The following PPARGC1A variants were observed in gnomAD, a reference collection of about 807,000 sequenced individuals.
PPARGC1A encodes PPARG coactivator 1 alpha.
In PPARGC1A, 25 loss-of-function variants were observed where a neutral mutation model predicts 88.7. That is an observed-to-expected ratio of 0.28 (90% CI 0.21 to 0.39). The LOEUF is 0.39. PPARGC1A is among the 10% of genes least tolerant of loss of function. The pLI is 1.00. For missense variants in PPARGC1A, 880 were observed against 968.7 expected (o/e 0.91, Z 1.22); for synonymous variants, 363 against 355.6 (o/e 1.02, Z -0.24).
At chr4:24,114,899 T>C in the PPARGC1A span, among the ~76,000 whole-genome samples, 1 of 151,128 alleles carries the variant, frequency 6.6e-6, no homozygotes, top group East Asian at 2.0e-4. Flanking sequence ...ATGATGAGGC[T>C]ACATTTGCTG....
Position 23,811,889 on chromosome 4 carries a change from C to CTTTTTTTTTTTTTTTTT in PPARGC1A, c.2019+841_2019+857dup, listed in dbSNP as rs71196134. ...GACGACCATCACGCAGAAGAAATGACTTTTTTTTTTTTTTTTTTTTTTTTT... is the reference window on the plus strand; with the variant it reads ...GACGACCATCACGCAGAAGAAATGACTTTTTTTTTTTTTTTTTTTTTTTTTTTTTTTTTTTTTTTTTT... On this transcript the variant is annotated intron_variant, in intron 10 of 12. Coordinates refer to ENST00000264867, the MANE Select transcript of PPARGC1A (RefSeq NM_013261.5). 3.4e-5 allele frequency among the ~76,000 whole-genome samples: 2 copies of CTTTTTTTTTTTTTTTTT among 59,040 alleles called. 1 individual carries two copies. Among genetic ancestry groups the CTTTTTTTTTTTTTTTTT allele is most frequent in the Non-Finnish European group, 6.3e-5 (2 of 31,620 alleles). The allele number at this position is 59,040 out of a possible 152,430, so 38.7% of individuals were successfully genotyped here.
the PPARGC1A span, among the ~76,000 whole-genome samples, chr4:24,089,196 A>G: frequency 1.3e-5 from 2 of 152,180 alleles, no homozygotes; most frequent in Non-Finnish European, 2.9e-5. Context: ...CATTACTACC[A>G]TGGATGGCCA....
the PPARGC1A span, among the ~76,000 whole-genome samples, chr4:24,448,301 C>T: frequency 6.6e-6 from 1 of 152,146 alleles, no homozygotes; most frequent in African/African-American, 2.4e-5. Flanking sequence ...TGCTGGTAAG[C>T]AGAGGCAGCG....
At chr4:24,314,185 A>G in the PPARGC1A span, among the ~76,000 whole-genome samples, 1 of 152,232 alleles carries the variant, frequency 6.6e-6, no homozygotes, top group African/African-American at 2.4e-5. Flanking sequence ...TTCAGCAGTC[A>G]TGTGGAACTA....
chr4:24,368,467 T>C, the PPARGC1A span, among the ~76,000 whole-genome samples: 1 of 152,264 alleles, frequency 6.6e-6, no homozygotes, highest in East Asian at 1.9e-4. Flanking sequence ...TCATTTATAG[T>C]TTTCTCTTTT....
the PPARGC1A span, among the ~76,000 whole-genome samples, chr4:24,333,940 C>CAAAAAAAAAAAAA: frequency 7.2e-5 from 1 of 13,820 alleles, no homozygotes; most frequent in African/African-American, 1.9e-4. Context: ...ACAACAACAA[C>CAAAAAAAAAAAAA]AAAAAAAAAA....
At chr4:24,356,708 C>CAGTGA in the PPARGC1A span, among the ~76,000 whole-genome samples, 1 of 152,334 alleles carries the variant, frequency 6.6e-6, no homozygotes, top group East Asian at 1.9e-4. Context: ...ACAGTAATAG[C>CAGTGA]TACTCTGGCT....
the PPARGC1A span, among the ~76,000 whole-genome samples, chr4:23,911,519 A>T: frequency 6.6e-6 from 1 of 152,212 alleles, no homozygotes; most frequent in African/African-American, 2.4e-5. Context: ...ACTTCTGAGA[A>T]TTAACTGATG....
chr4:23,963,695 C>T, the PPARGC1A span, among the ~76,000 whole-genome samples: 1 of 152,166 alleles, frequency 6.6e-6, no homozygotes, highest in African/African-American at 2.4e-5. Context: ...GGTCAGCTTA[C>T]CTCTCCATAA....
chr4:24,401,477 C>T, the PPARGC1A span, among the ~76,000 whole-genome samples: 6 of 152,294 alleles, frequency 3.9e-5, no homozygotes, highest in Admixed American at 3.3e-4. Flanking sequence ...CTCCACACTT[C>T]ATGTTCTAGC....
At chr4:23,863,871 C>A (rs534282881) in intron 2 of PPARGC1A, among the ~76,000 whole-genome samples, 1 of 152,098 alleles carries the variant, frequency 6.6e-6, no homozygotes, top group Non-Finnish European at 1.5e-5. Context: ...CTCAGCTTTC[C>A]CAGTAGCTGG....
rs555644410 is a variant in PPARGC1A at position 23,792,146 on chromosome 4, G to C, written c.*3676C>G. On this transcript the variant is annotated 3_prime_UTR_variant, in exon 13 of 13. Transcript: ENST00000264867. The stretch of plus-strand genomic sequence containing the variant: ...ACAACAATACATGTAGAATTGGCAG[G>C]TGGAAAAAAGGCCCGGCAAGGGCTC... 2.0e-5 allele frequency: 3 copies of C among 152,560 alleles called. No homozygotes were observed. Among genetic ancestry groups the C allele is most frequent in the African/African-American group, 7.2e-5 (3 of 41,444 alleles). The allele number at this position is 152,560 out of a possible 1,614,324, so 9.5% of individuals were successfully genotyped here.
At chr4:24,437,671 C>CT in the PPARGC1A span, among the ~76,000 whole-genome samples, 80 of 149,116 alleles carry the variant, frequency 5.4e-4, no homozygotes, top group Middle Eastern at 0.01. Flanking sequence ...TTTTTTCTTT[C>CT]TTTTTTTTTC....
the PPARGC1A span, among the ~76,000 whole-genome samples, chr4:24,239,893 T>C: frequency 6.6e-6 from 1 of 151,366 alleles, no homozygotes; most frequent in African/African-American, 2.4e-5. Context: ...GAAAGAGGAG[T>C]TTCTTCTACC....
At chr4:23,913,525 G>A in the PPARGC1A span, among the ~76,000 whole-genome samples, 1 of 151,874 alleles carries the variant, frequency 6.6e-6, no homozygotes, top group Non-Finnish European at 1.5e-5. Flanking sequence ...AAAAGCCCAG[G>A]ATAGTAACTT....
At chr4:23,908,036 A>C (rs1258113696), upstream of PPARGC1A, among the ~76,000 whole-genome samples, 1 of 152,224 alleles carries the variant, frequency 6.6e-6, no homozygotes, top group African/African-American at 2.4e-5. Context: ...TGTATGAAAA[A>C]AACTGAAAAC....
the PPARGC1A span, among the ~76,000 whole-genome samples, chr4:23,976,382 G>T: frequency 3.3e-5 from 5 of 152,182 alleles, no homozygotes; most frequent in Non-Finnish European, 7.3e-5. Flanking sequence ...GGGGATGGGG[G>T]TGTTAACACC....
At chr4:24,013,791 G>A in the PPARGC1A span, among the ~76,000 whole-genome samples, 8 of 152,094 alleles carry the variant, frequency 5.3e-5, no homozygotes, top group Non-Finnish European at 1.2e-4. Flanking sequence ...CAGTCAATTC[G>A]TACCTAAGGA....
At chr4:24,143,950 T>G in the PPARGC1A span, among the ~76,000 whole-genome samples, 1 of 152,348 alleles carries the variant, frequency 6.6e-6, no homozygotes, top group South Asian at 2.1e-4. Context: ...AAAACTGGTT[T>G]TCTTTAGCAT....
Sources: allele counts gnomAD v4.1 joint callset (sites outside exome capture counted in the v4.1 genomes callset), GRCh38; gene constraint gnomAD v4.1.1; transcripts MANE v1.5; gene names NCBI Gene and HGNC (gene_info 2026-07-23, HGNC 2026-07-21).